Variants in SGCZ observed in about 807,000 individuals in gnomAD.
SGCZ encodes sarcoglycan zeta.
SGCZ carries 40 observed loss-of-function variants against 41.3 expected under a neutral mutation model. The ratio of observed to expected loss-of-function variants is 0.97; its 90% CI spans 0.75 to 1.26. SGCZ has a LOEUF of 1.26. Ranked by LOEUF, SGCZ falls within the 50% of genes most tolerant of loss-of-function variation. The probability of loss-of-function intolerance (pLI) is 0.00; values close to 1 mark genes in which losing one functional copy is unlikely to be tolerated. For synonymous variants in SGCZ, 206 were observed against 137.5 expected (o/e 1.50, Z -3.49); for missense variants, 552 against 369.8 (o/e 1.49, Z -4.04).
chr8:15,169,660 G>A (rs905621742), intron 1 of SGCZ, among the ~76,000 whole-genome samples: 1 of 152,146 alleles, frequency 6.6e-6, no homozygotes, highest in Non-Finnish European at 1.5e-5. Flanking sequence ...TGAAGTCTGG[G>A]ATCAGCTTTT....
At chr8:14,642,771 A>G (rs911374822) in intron 1 of SGCZ, among the ~76,000 whole-genome samples, 1 of 151,574 alleles carries the variant, frequency 6.6e-6, no homozygotes, top group Non-Finnish European at 1.5e-5. Context: ...TAAATAATAT[A>G]TATATCTAAG....
At chr8:14,772,277 C>G (rs748767354) in intron 1 of SGCZ, among the ~76,000 whole-genome samples, 1 of 152,042 alleles carries the variant, frequency 6.6e-6, no homozygotes, top group African/African-American at 2.4e-5. Context: ...ATATTTTCAA[C>G]TCATAATGGG....
intron 2 of SGCZ, among the ~76,000 whole-genome samples, chr8:14,365,813 C>T (rs1803686049): frequency 6.6e-6 from 1 of 151,982 alleles, no homozygotes; most frequent in Non-Finnish European, 1.5e-5. Flanking sequence ...TGGGATAAGG[C>T]TGTTAATAAA....
At chr8:14,267,447 G>C (rs184497169) in intron 3 of SGCZ, among the ~76,000 whole-genome samples, 2 of 152,054 alleles carry the variant, frequency 1.3e-5, no homozygotes, top group African/African-American at 2.4e-5. Flanking sequence ...TTTGATAAGA[G>C]AAATAGTGAA....
intron 2 of SGCZ, among the ~76,000 whole-genome samples, chr8:14,393,764 C>A (rs949792131): frequency 1.3e-5 from 2 of 152,132 alleles, no homozygotes; most frequent in Non-Finnish European, 2.9e-5. Context: ...CCTAGACAAC[C>A]CAGCCGCTTC....
chr8:14,129,566 C>T (rs767376434), intron 5 of SGCZ, among the ~76,000 whole-genome samples: 1 of 151,230 alleles, frequency 6.6e-6, no homozygotes, highest in Non-Finnish European at 1.5e-5. Flanking sequence ...AAAGGCAGGG[C>T]TCAGAAGGAA....
chr8:14,966,973 C>A (rs1415572166), intron 1 of SGCZ, among the ~76,000 whole-genome samples: 1 of 152,088 alleles, frequency 6.6e-6, no homozygotes, highest in Non-Finnish European at 1.5e-5. Flanking sequence ...CATTCTCTCC[C>A]AGTTGTGTAT....
At chr8:15,090,303 A>T (rs995520692) in intron 1 of SGCZ, among the ~76,000 whole-genome samples, 5 of 152,234 alleles carry the variant, frequency 3.3e-5, no homozygotes, top group African/African-American at 1.2e-4. Context: ...CATACTGCTT[A>T]ATCTTTAAAA....
At chr8:14,943,606 C>CA (rs1800347096) in intron 1 of SGCZ, among the ~76,000 whole-genome samples, 1 of 152,060 alleles carries the variant, frequency 6.6e-6, no homozygotes, top group Non-Finnish European at 1.5e-5. Context: ...GGTACATGTG[C>CA]AGGTTTGTTC....
intron 1 of SGCZ, among the ~76,000 whole-genome samples, chr8:15,116,942 A>G (rs182356828): frequency 4.5e-4 from 69 of 152,356 alleles, no homozygotes; most frequent in Non-Finnish European, 8.5e-4. Flanking sequence ...TTCAAGATTG[A>G]TAGTTCTAAG....
At chr8:14,288,404 A>G (rs1006436966) in intron 3 of SGCZ, among the ~76,000 whole-genome samples, 1 of 152,048 alleles carries the variant, frequency 6.6e-6, no homozygotes, top group African/African-American at 2.4e-5. Context: ...TTCCAAAAGG[A>G]TATCTTGTAT....
At chr8:14,257,163 T>C (rs1199391004) in intron 3 of SGCZ, among the ~76,000 whole-genome samples, 3 of 151,942 alleles carry the variant, frequency 2.0e-5, no homozygotes, top group Non-Finnish European at 4.4e-5. Context: ...AATTCACCTC[T>C]ACAAAAAACA....
chr8:14,315,468 T>C (rs1187120707), intron 3 of SGCZ, among the ~76,000 whole-genome samples: 1 of 152,058 alleles, frequency 6.6e-6, no homozygotes, highest in Non-Finnish European at 1.5e-5. Flanking sequence ...ATGGAAGGTG[T>C]GTGTGATGCA....
intron 1 of SGCZ, among the ~76,000 whole-genome samples, chr8:15,131,240 T>C (rs990177022): frequency 3.9e-5 from 6 of 152,156 alleles, no homozygotes; most frequent in Non-Finnish European, 8.8e-5. Context: ...CAGTGGGAGA[T>C]AACTGAACCA....
intron 1 of SGCZ, among the ~76,000 whole-genome samples, chr8:14,595,841 G>T (rs977473982): frequency 7.2e-5 from 11 of 152,142 alleles, no homozygotes; most frequent in Non-Finnish European, 1.3e-4. Flanking sequence ...TTTTAAGAAT[G>T]CAGCTGTGTC....
chr8:14,402,502 C>T (rs1414671693), intron 2 of SGCZ, among the ~76,000 whole-genome samples: 1 of 150,452 alleles, frequency 6.6e-6, no homozygotes, highest in Non-Finnish European at 1.5e-5. Flanking sequence ...CAGCTTTCTA[C>T]CTATGGCTAG....
At chr8:14,622,694 T>C (rs1207631883) in intron 1 of SGCZ, among the ~76,000 whole-genome samples, 1 of 152,170 alleles carries the variant, frequency 6.6e-6, no homozygotes, top group Non-Finnish European at 1.5e-5. Context: ...GGGTGACACA[T>C]TAAGGATGAC....
chr8:14,315,763 T>A (rs1801694361), intron 3 of SGCZ, among the ~76,000 whole-genome samples: 1 of 150,474 alleles, frequency 6.6e-6, no homozygotes, highest in Admixed American at 6.6e-5. Context: ...TAAGTACATA[T>A]AAAAAAGAAA....
intron 2 of SGCZ, among the ~76,000 whole-genome samples, chr8:14,351,316 C>T (rs577651629): frequency 6.6e-6 from 1 of 152,090 alleles, no homozygotes; most frequent in South Asian, 2.1e-4. Context: ...TTTGCATTAA[C>T]TGTTAGAAAA....
Sources: gnomAD v4.1 joint callset for allele counts (sites outside exome capture counted in the v4.1 genomes callset) on GRCh38, gnomAD v4.1.1 for gene constraint, MANE v1.5 for transcripts, NCBI Gene and HGNC (gene_info 2026-07-23, HGNC 2026-07-21) for gene names.